The following CHD7 variants were observed in gnomAD, a reference collection of about 807,000 sequenced individuals.
CHD7 encodes the protein chromodomain helicase DNA binding protein 7.
Under a neutral mutation model 307.3 loss-of-function variants are expected in CHD7, and 24 were observed. The observed-to-expected ratio is 0.08, with a 90% CI of 0.06 to 0.11. CHD7 has a LOEUF of 0.11. Ranked by LOEUF, CHD7 falls within the 10% of genes least tolerant of loss-of-function variation. CHD7 has a pLI of 1.00. For missense variants in CHD7, 3,106 were observed against 3,727.1 expected, an observed-to-expected ratio of 0.83 and a Z score of 4.34; for synonymous variants, 1,363 against 1,349.9, an observed-to-expected ratio of 1.01 and a Z score of -0.21.
At position 60,841,830 on chromosome 8, in the gene CHD7, T is replaced by G; in HGVS notation, c.4645-17T>G. The G allele has an allele frequency of 1.2e-6, 2 of 1,608,542 alleles. No homozygotes were observed. Among genetic ancestry groups the G allele is most frequent in the South Asian group, 2.2e-5 (2 of 90,492 alleles). On this transcript the variant is annotated splice_polypyrimidine_tract_variant and intron_variant, in intron 20 of 37. Coordinates refer to ENST00000423902, the MANE Select transcript of CHD7 (RefSeq NM_017780.4). ...CTCTTTGAGAAATGTCAAATGTATC[T>G]CCTCTTTTATTATTAGAACAACCTG...
intron 1 of CHD7, among the ~76,000 whole-genome samples, chr8:60,694,717 C>T (rs781218089): frequency 1.3e-5 from 2 of 152,172 alleles, no homozygotes; most frequent in Non-Finnish European, 2.9e-5. Flanking sequence ...CACTGCCACC[C>T]CCTGTTGCCC....
intron 15 of CHD7, among the ~76,000 whole-genome samples, chr8:60,832,585 A>G (rs1804568804): frequency 6.6e-6 from 1 of 152,244 alleles, no homozygotes; most frequent in Non-Finnish European, 1.5e-5. Context: ...AAGAAAATAA[A>G]TAATAGCCTC....
chr8:60,810,936 C>G lies in CHD7; in HGVS notation c.2498+2664C>G, dbSNP rs190566111. On this transcript the variant is annotated intron_variant, in intron 7 of 37. Transcript: ENST00000423902. ...ACCTGAGCTCTGCCTCTTGTCAGAT[C>G]AGCGTAACATTAGTTTCTCATAGGA... Among the ~76,000 whole-genome samples the G allele has an allele frequency of 1.2e-4, 19 of 152,278 alleles. 1 individual carries two copies. The highest frequency in any genetic ancestry group is 4.2e-4 in the South Asian group (2 of 4,814).
intron 26 of CHD7, 98 bp downstream of exon 26, chr8:60,850,720 CTGAT>C (rs921540742): frequency 7.8e-7 from 1 of 1,280,146 alleles, no homozygotes; most frequent in Non-Finnish European, 1.1e-6. Context: ...TGTATTGTGT[CTGAT>C]TTGAAGTTCA....
At position 60,785,821 on chromosome 8, in the gene CHD7, AT is replaced by A. The variant is rs767468853; in HGVS notation, c.2096+4403del. On this transcript the variant is annotated intron_variant, in intron 3 of 37. Transcript: ENST00000423902. Reference sequence around the variant, plus strand: ...AAATTAAACCCTCAGCCTTCCTTTGATTTTTTTTTTTTGTAGCTGTCCTGAT... The same window carrying A: ...AAATTAAACCCTCAGCCTTCCTTTGATTTTTTTTTTTGTAGCTGTCCTGAT... Among the ~76,000 whole-genome samples the A allele has an allele frequency of 3.1e-3, 446 of 144,654 alleles. 2 individuals carry two copies. Among genetic ancestry groups the A allele is most frequent in the African/African-American group, 7.7e-3 (305 of 39,644 alleles). The allele number at this position is 144,654 out of a possible 152,430, so 94.9% of individuals were successfully genotyped here.
At chr8:60,690,287 T>C (rs1483154674) in intron 1 of CHD7, among the ~76,000 whole-genome samples, 1 of 151,958 alleles carries the variant, frequency 6.6e-6, no homozygotes, top group African/African-American at 2.4e-5. Context: ...ATGTTTATAG[T>C]TTTTTTCTTT....
chr8:60,863,958 C>T (rs1192071325), intron 37 of CHD7: 1 of 152,010 alleles, frequency 6.6e-6, no homozygotes, highest in African/African-American at 2.4e-5. Context: ...TGGTCTCAAA[C>T]TCACCTCAAG....
chr8:60,724,982 C>G (rs1443615361), intron 1 of CHD7, among the ~76,000 whole-genome samples: 1 of 152,178 alleles, frequency 6.6e-6, no homozygotes, highest in East Asian at 1.9e-4. Flanking sequence ...ATTTGCCTTT[C>G]CATATTGAGA....
intron 35 of CHD7, chr8:60,861,513 G>A (rs1298345681): frequency 1.8e-5 from 3 of 171,292 alleles, no homozygotes; most frequent in Non-Finnish European, 3.7e-5. Flanking sequence ...GTGCTATGAA[G>A]CCAATTACTT....
At chr8:60,826,016 A>G (rs1804240823) in intron 13 of CHD7, among the ~76,000 whole-genome samples, 1 of 152,134 alleles carries the variant, frequency 6.6e-6, no homozygotes, top group Admixed American at 6.6e-5. Flanking sequence ...GGCTATTTCA[A>G]AGAGTTTTCT....
intron 1 of CHD7, among the ~76,000 whole-genome samples, chr8:60,721,386 C>G (rs1213252612): frequency 1.3e-5 from 2 of 152,178 alleles, no homozygotes; most frequent in Admixed American, 1.3e-4. Context: ...GAAGAGGCCT[C>G]AGAATGAATC....
At chr8:60,762,842 C>T (rs537640929) in intron 2 of CHD7, among the ~76,000 whole-genome samples, 4 of 152,112 alleles carry the variant, frequency 2.6e-5, no homozygotes, top group South Asian at 2.1e-4. Context: ...GGAGTGGGAG[C>T]GAAGAGGGAT....
At chr8:60,848,401 A>G (rs1805304184) in intron 23 of CHD7, 114 bp from the exon 24 acceptor site, 1 of 684,194 alleles carries the variant, frequency 1.5e-6, no homozygotes, top group East Asian at 2.8e-5. Context: ...ACCATACAGC[A>G]TGGCTAATCA....
intron 5 of CHD7, among the ~76,000 whole-genome samples, chr8:60,801,260 A>C (rs772633836): frequency 1.3e-5 from 2 of 152,174 alleles, no homozygotes; most frequent in Non-Finnish European, 2.9e-5. Flanking sequence ...TGGTGGCTAG[A>C]ATTTCTGATT....
chr8:60,740,345 T>C (rs1808929940), intron 1 of CHD7, among the ~76,000 whole-genome samples: 1 of 152,250 alleles, frequency 6.6e-6, no homozygotes, highest in Admixed American at 6.5e-5. Flanking sequence ...TATTTCTAGT[T>C]ATGAGAATAG....
At chr8:60,854,570 G>A (rs1303547438) in intron 32 of CHD7, 47 bp downstream of exon 32, 1 of 1,478,706 alleles carries the variant, frequency 6.8e-7, no homozygotes, top group Non-Finnish European at 9.1e-7. Context: ...AAAAGGATTA[G>A]GGTAGAGGAA....
chr8:60,823,433 AGATAGATG>A (rs1804135312), intron 12 of CHD7, among the ~76,000 whole-genome samples: 1 of 145,074 alleles, frequency 6.9e-6, no homozygotes, highest in Non-Finnish European at 1.5e-5. Flanking sequence ...ATAGATAGAT[AGATAGATG>A]TGTGTGTGCA....
At chr8:60,738,208 G>A in intron 1 of CHD7, among the ~76,000 whole-genome samples, 1 of 152,140 alleles carries the variant, frequency 6.6e-6, no homozygotes, top group Non-Finnish European at 1.5e-5. Context: ...GAGATGTACT[G>A]TAAGTGTAAA....
intron 3 of CHD7, among the ~76,000 whole-genome samples, chr8:60,793,835 C>A (rs1370384346): frequency 6.6e-6 from 1 of 152,060 alleles, no homozygotes; most frequent in African/African-American, 2.4e-5. Context: ...AAATTTGCAA[C>A]TGATGGCCGG....
Sources: gnomAD v4.1 joint callset for allele counts (sites outside exome capture counted in the v4.1 genomes callset) on GRCh38, gnomAD v4.1.1 for gene constraint, MANE v1.5 for transcripts, NCBI Gene and HGNC (gene_info 2026-07-23, HGNC 2026-07-21) for gene names.